The following DNAH14 variants were observed in gnomAD, a reference collection of about 807,000 sequenced individuals.
DNAH14 encodes the protein axonemal beta dynein heavy chain 14.
Under a neutral mutation model 520.9 loss-of-function variants are expected in DNAH14, and 478 were observed. That is an observed-to-expected ratio of 0.92 (90% CI 0.85 to 0.99). The LOEUF is 0.99. DNAH14 is among the 50% of genes least tolerant of loss of function. DNAH14 has a pLI of 0.00. For missense variants in DNAH14, 4,831 were observed against 5,234.5 expected (o/e 0.92, Z 2.38); for synonymous variants, 1,581 against 1,757.2 (o/e 0.90, Z 2.51).
chr1:225,377,269 A>G lies in DNAH14; in HGVS notation c.12549A>G (p.Ile4183Met), dbSNP rs1300651591. The change falls in exon 79 of 86, where the codon ATA becomes ATG. Residue 4183 changes from isoleucine to methionine, a missense_variant. By Grantham distance (10) the Ile-to-Met change is conservative. Transcript: ENST00000682510. ...TGCCAGTTCCAGGATCTGCAAGCAT[A>G]AAGGACTACATACACATTATCCAGT... ...ICLPVPGSAS[I>M]KDYIHIIQSL... is the part of the protein sequence containing the mutation. 3 of 1,450,312 alleles carry G rather than the reference A, an allele frequency of 2.1e-6. No individual in the cohort carries two copies. Among genetic ancestry groups the G allele is most frequent in the Admixed American group, 2.7e-5 (1 of 36,374 alleles). The allele number at this position is 1,450,312 out of a possible 1,614,324, so 89.8% of individuals were successfully genotyped here.
At chr1:225,170,699 C>T (rs765238458) in intron 36 of DNAH14, among the ~76,000 whole-genome samples, 2 of 152,050 alleles carry the variant, frequency 1.3e-5, no homozygotes, top group East Asian at 1.9e-4. Flanking sequence ...TGTCAACATT[C>T]GACAGATCAA....
intron 38 of DNAH14, among the ~76,000 whole-genome samples, chr1:225,195,999 A>ATTTG (rs1337442865): frequency 4.8e-4 from 69 of 145,014 alleles, no homozygotes; most frequent in African/African-American, 1.6e-3. Context: ...TTTTTAAGAA[A>ATTTG]TTTATTTATT....
chr1:225,183,943 C>CA (rs936505308), intron 36 of DNAH14, among the ~76,000 whole-genome samples: 72 of 150,434 alleles, frequency 4.8e-4, no homozygotes, highest in African/African-American at 1.3e-3. Context: ...ACCTACCAAA[C>CA]AAAAAAAAAC....
chr1:225,312,346 T>A (rs749492820), intron 60 of DNAH14, among the ~76,000 whole-genome samples: 14 of 152,292 alleles, frequency 9.2e-5, no homozygotes, highest in Non-Finnish European at 7.4e-5. Context: ...GTTTTGGGGT[T>A]GAGACGATGG....
intron 64 of DNAH14, among the ~76,000 whole-genome samples, chr1:225,328,311 G>C (rs2094720634): frequency 6.6e-6 from 1 of 152,132 alleles, no homozygotes; most frequent in South Asian, 2.1e-4. Flanking sequence ...ACTGTCATTT[G>C]TTTTTAATTA....
intron 21 of DNAH14, among the ~76,000 whole-genome samples, chr1:225,095,120 C>T (rs948839557): frequency 6.6e-6 from 1 of 152,072 alleles, no homozygotes; most frequent in Admixed American, 6.6e-5. Context: ...ACAGAACTAC[C>T]ATTCAACCTA....
At chr1:225,170,130 G>A (rs886983076) in intron 36 of DNAH14, among the ~76,000 whole-genome samples, 2 of 152,138 alleles carry the variant, frequency 1.3e-5, no homozygotes, top group African/African-American at 2.4e-5. Context: ...CACTAAACAT[G>A]GAAAGGAACA....
chr1:225,194,028 G>A (rs182506328), intron 38 of DNAH14, among the ~76,000 whole-genome samples: 23 of 151,930 alleles, frequency 1.5e-4, no homozygotes, highest in African/African-American at 5.3e-4. Context: ...TAACAAAACA[G>A]TACTGAAAGA....
intron 41 of DNAH14, among the ~76,000 whole-genome samples, chr1:225,218,359 G>A (rs1157825423): frequency 1.3e-5 from 2 of 152,050 alleles, no homozygotes; most frequent in African/African-American, 4.8e-5. Flanking sequence ...GACACAGACT[G>A]GCTCATTGGA....
chr1:225,346,187 A>G lies in DNAH14; in HGVS notation c.10904A>G (p.His3635Arg), dbSNP rs2095283442. 2 of 1,551,614 alleles carry G rather than the reference A, an allele frequency of 1.3e-6. No homozygotes were observed. The highest frequency in any genetic ancestry group is 8.7e-7 in the Non-Finnish European group (1 of 1,146,962). Residue 3635 changes from histidine (H) to arginine (R), a missense_variant, in exon 70 of 86, where the codon CAT becomes CGT. His to Arg is a conservative substitution (Grantham distance 29). Coordinates refer to ENST00000682510, the MANE Select transcript of DNAH14 (RefSeq NM_001367479.1). ...YMYQFSLDWF[H>R]QVFVSSVVSK... ...TACCAGTTCTCCCTAGACTGGTTTCATCAGGTTTTTGTTTCATCAGTAGTT... is the reference window on the plus strand; with the variant it reads ...TACCAGTTCTCCCTAGACTGGTTTCGTCAGGTTTTTGTTTCATCAGTAGTT...
chr1:225,255,060 T>C lies in DNAH14; in HGVS notation c.6865+2643T>C, dbSNP rs138623118. ...ACTCTAAGGGTTTATAAGATATTGA[T>C]ATGTAAATCCCAATATTGAGTACTG... On this transcript the variant is annotated intron_variant, in intron 44 of 85. Transcript: ENST00000682510. Among the ~76,000 whole-genome samples, 474 of 152,342 alleles carry C rather than the reference T, an allele frequency of 3.1e-3. 3 individuals are homozygous for C. Among genetic ancestry groups the C allele is most frequent in the East Asian group, 0.028 (147 of 5,192 alleles).
At chr1:225,051,884 T>C (rs565099502) in intron 17 of DNAH14, 89 bp downstream of exon 17, 7 of 919,604 alleles carry the variant, frequency 7.6e-6, no homozygotes, top group Non-Finnish European at 1.1e-5. Flanking sequence ...ATATATGATA[T>C]CATGTCACAT....
chr1:225,298,294 G>A (rs1289503632), intron 55 of DNAH14, among the ~76,000 whole-genome samples: 1 of 152,134 alleles, frequency 6.6e-6, no homozygotes, highest in Non-Finnish European at 1.5e-5. Context: ...AGGCACTTGT[G>A]GGGCTATTTC....
intron 27 of DNAH14, among the ~76,000 whole-genome samples, chr1:225,124,764 A>C (rs1310738755): frequency 6.6e-6 from 1 of 151,978 alleles, no homozygotes; most frequent in African/African-American, 2.4e-5. Context: ...GAATATTCTT[A>C]ATGGCATCTA....
At chr1:225,076,121 A>C (rs1331753436) in intron 17 of DNAH14, among the ~76,000 whole-genome samples, 1 of 152,130 alleles carries the variant, frequency 6.6e-6, no homozygotes, top group Non-Finnish European at 1.5e-5. Flanking sequence ...GGTGGGCTTA[A>C]AGCCTGGGGT....
At chr1:225,386,463 A>G (rs1232264643) in intron 81 of DNAH14, among the ~76,000 whole-genome samples, 4 of 152,224 alleles carry the variant, frequency 2.6e-5, no homozygotes, top group Non-Finnish European at 5.9e-5. Context: ...ATGGGAGAAA[A>G]TTTTTGCAAT....
At chr1:225,204,368 C>T in intron 39 of DNAH14, 95 bp downstream of exon 39, 1 of 740,976 alleles carries the variant, frequency 1.3e-6, no homozygotes, top group Non-Finnish European at 2.1e-6. Flanking sequence ...TGTTTTTTGA[C>T]TGGTAATATT....
intron 17 of DNAH14, among the ~76,000 whole-genome samples, chr1:225,053,551 G>A (rs2068750932): frequency 6.6e-6 from 1 of 152,152 alleles, no homozygotes; most frequent in South Asian, 2.1e-4. Context: ...CAGGAGGAAA[G>A]CTGTTTCCAT....
intron 52 of DNAH14, among the ~76,000 whole-genome samples, chr1:225,275,397 T>C (rs1343346210): frequency 6.6e-6 from 1 of 152,156 alleles, no homozygotes; most frequent in Non-Finnish European, 1.5e-5. Flanking sequence ...GAAGGAGTAA[T>C]TTATTCTACC....
Sources: gnomAD v4.1 joint callset for allele counts (sites outside exome capture counted in the v4.1 genomes callset) on GRCh38, gnomAD v4.1.1 for gene constraint, MANE v1.5 for transcripts, NCBI Gene and HGNC (gene_info 2026-07-23, HGNC 2026-07-21) for gene names.